The following WDPCP variants were observed in gnomAD, a reference collection of about 807,000 sequenced individuals.
WDPCP encodes WD repeat-containing and planar cell polarity effector protein fritz homolog.
WDPCP carries 71 observed loss-of-function variants against 93.1 expected under a neutral mutation model. The observed-to-expected ratio is 0.76, with a 90% CI of 0.63 to 0.93. The LOEUF is 0.93. WDPCP is among the 40% of genes least tolerant of loss of function. WDPCP has a pLI of 0.00. For missense variants in WDPCP, 844 were observed against 887.4 expected (o/e 0.95, Z 0.62); for synonymous variants, 315 against 315.0 (o/e 1.00, Z 0.00).
chr2:63,505,144 C>G (rs1701789844), intron 1 of WDPCP, among the ~76,000 whole-genome samples: 1 of 152,006 alleles, frequency 6.6e-6, no homozygotes, highest in African/African-American at 2.4e-5. Context: ...TATAAGAATT[C>G]TGCAGTGAAT....
At chr2:63,691,873 AGTGTGTGTGTGTGTGTGT>A (rs71393325) in intron 2 of WDPCP, among the ~76,000 whole-genome samples, 3 of 145,090 alleles carry the variant, frequency 2.1e-5, no homozygotes, top group Non-Finnish European at 4.6e-5. Flanking sequence ...TATACTACAA[AGTGTGTGTGTGTGTGTGT>A]GTGTGTGTGT....
At chr2:63,836,684 A>G in the WDPCP span, among the ~76,000 whole-genome samples, 1 of 152,204 alleles carries the variant, frequency 6.6e-6, no homozygotes, top group Non-Finnish European at 1.5e-5. Flanking sequence ...AGGGGCGGAC[A>G]CAATTTGGAG....
intron 14 of WDPCP, among the ~76,000 whole-genome samples, chr2:63,199,615 G>A (rs1030521037): frequency 3.9e-5 from 6 of 152,240 alleles, no homozygotes; most frequent in East Asian, 3.8e-4. Flanking sequence ...GCTTGGGAAC[G>A]TCAGCCTACA....
chr2:63,588,888 A>T, upstream of WDPCP: 1 of 928,920 alleles, frequency 1.1e-6, no homozygotes, highest in Non-Finnish European at 1.7e-6. Flanking sequence ...CAACCAGGGC[A>T]GCGTAAACTA....
intron 15 of WDPCP, among the ~76,000 whole-genome samples, chr2:63,164,327 C>T (rs1414583981): frequency 6.6e-6 from 1 of 152,134 alleles, no homozygotes; most frequent in African/African-American, 2.4e-5. Context: ...CTGTAATCCC[C>T]AGAGTTGGAG....
intron 13 of WDPCP, among the ~76,000 whole-genome samples, chr2:63,279,147 C>A (rs960115624): frequency 6.6e-6 from 1 of 151,768 alleles, no homozygotes; most frequent in Non-Finnish European, 1.5e-5. Context: ...ACCAGTATCA[C>A]CATAATACCA....
intron 3 of WDPCP, among the ~76,000 whole-genome samples, chr2:63,625,963 C>T (rs869131286): frequency 2.0e-5 from 3 of 152,144 alleles, no homozygotes; most frequent in Non-Finnish European, 4.4e-5. Flanking sequence ...GTAACCAAAA[C>T]AGCATGGTAC....
chr2:63,174,365 A>G (rs1240957394), intron 15 of WDPCP, among the ~76,000 whole-genome samples: 1 of 152,128 alleles, frequency 6.6e-6, no homozygotes, highest in African/African-American at 2.4e-5. Flanking sequence ...TCTAAAAATT[A>G]ATATTTATTA....
intron 1 of WDPCP, among the ~76,000 whole-genome samples, chr2:63,519,944 T>G (rs1702808435): frequency 6.6e-6 from 1 of 152,100 alleles, no homozygotes; most frequent in Non-Finnish European, 1.5e-5. Flanking sequence ...ATTATCAACA[T>G]TCAGGAGAAA....
chr2:63,223,794 T>G (rs62177783), intron 14 of WDPCP, among the ~76,000 whole-genome samples: 30,066 of 152,084 alleles, frequency 0.2, 3,821 homozygotes, highest in Non-Finnish European at 0.29. Context: ...ATTTAAAAGA[T>G]TATCCTTTCT....
rs551694599 is a variant in WDPCP, at chr2:63,268,810, C to A, written c.1813-9401G>T. On this transcript the variant is annotated intron_variant, in intron 13 of 17. Transcript: ENST00000272321. ...CAAAAAAGATTTTTAATGTTATGAT[C>A]ATAAAAAATAAATTGGTAAGGTAAC... is the stretch of plus-strand genomic sequence containing the variant. Among the ~76,000 whole-genome samples the A allele has an allele frequency of 1.4e-4, 21 of 152,116 alleles. 1 individual carries two copies. Among genetic ancestry groups the A allele is most frequent in the African/African-American group, 4.6e-4 (19 of 41,494 alleles).
At chr2:63,410,025 A>T (rs1278861293) in intron 9 of WDPCP, among the ~76,000 whole-genome samples, 1 of 152,216 alleles carries the variant, frequency 6.6e-6, no homozygotes, top group Non-Finnish European at 1.5e-5. Flanking sequence ...GAAGCACAGA[A>T]AACATCTGGG....
At chr2:63,750,282 T>C (rs1052334857) in intron 2 of WDPCP, among the ~76,000 whole-genome samples, 2 of 152,088 alleles carry the variant, frequency 1.3e-5, no homozygotes, top group African/African-American at 2.4e-5. Flanking sequence ...GGTTTAGTTA[T>C]ATAAGCATAA....
chr2:63,301,714 G>GA (rs1177488256), intron 13 of WDPCP, among the ~76,000 whole-genome samples: 2 of 152,084 alleles, frequency 1.3e-5, no homozygotes, highest in African/African-American at 4.8e-5. Flanking sequence ...ACTATAGAGG[G>GA]AAAACAGCAA....
chr2:63,243,908 A>C (rs1394100605), intron 14 of WDPCP, among the ~76,000 whole-genome samples: 1 of 152,124 alleles, frequency 6.6e-6, no homozygotes, highest in East Asian at 1.9e-4. Flanking sequence ...ACAACCACAG[A>C]ATATACATTC....
chr2:63,237,625 T>C (rs923419300), intron 14 of WDPCP, among the ~76,000 whole-genome samples: 1 of 152,178 alleles, frequency 6.6e-6, no homozygotes, highest in Non-Finnish European at 1.5e-5. Flanking sequence ...ATATACACCA[T>C]GGAATACTAT....
At chr2:63,555,705 A>C (rs1056782309) in intron 1 of WDPCP, among the ~76,000 whole-genome samples, 4 of 152,220 alleles carry the variant, frequency 2.6e-5, no homozygotes, top group Admixed American at 2.6e-4. Context: ...AGAGGGACCC[A>C]GGAAAACAGA....
intron 13 of WDPCP, among the ~76,000 whole-genome samples, chr2:63,289,763 G>A (rs193200287): frequency 2.0e-5 from 3 of 151,564 alleles, no homozygotes; most frequent in South Asian, 2.1e-4. Flanking sequence ...TTGGTTTGTC[G>A]GCTTTTGCTT....
rs939470749 is a variant in WDPCP at position 63,493,768 on chromosome 2, TAAAC to T, written c.76-832_76-829del. On this transcript the variant is annotated intron_variant, in intron 1 of 17. Coordinates refer to ENST00000272321, the MANE Select transcript of WDPCP (RefSeq NM_015910.7). ...TAATTTTCAAATGTTTGCTTGGAAA[TAAAC>T]ATAGTACTATACTGTATTTATGTTA... Among the ~76,000 whole-genome samples the T allele has an allele frequency of 1.8e-4, 28 of 152,190 alleles. No individual in the cohort carries two copies. In the East Asian group the frequency reaches 4.6e-3, roughly 25 times the overall value.
Sources: gnomAD v4.1 joint callset for allele counts (sites outside exome capture counted in the v4.1 genomes callset) on GRCh38, gnomAD v4.1.1 for gene constraint, MANE v1.5 for transcripts, NCBI Gene and HGNC (gene_info 2026-07-23, HGNC 2026-07-21) for gene names.